FAF1: variants seen among roughly 807,000 people sequenced by gnomAD.
FAF1 encodes the protein Fas associated factor 1, also known as FAS-associated factor 1.
FAF1 carries 25 observed loss-of-function variants against 92.5 expected under a neutral mutation model. The ratio of observed to expected loss-of-function variants is 0.27; its 90% CI spans 0.20 to 0.38. The LOEUF (loss-of-function observed/expected upper bound fraction) is 0.38, where lower values mean the gene tolerates loss of function less well. Among genes scored for constraint, FAF1 ranks in the 10% least tolerant of loss-of-function variants. FAF1 has a pLI of 1.00. For synonymous variants in FAF1, 234 were observed against 273.2 expected (o/e 0.86, Z 1.42); for missense variants, 636 against 793.3 (o/e 0.80, Z 2.38).
chr1:50,813,754 A>T (rs1643939713), intron 2 of FAF1, among the ~76,000 whole-genome samples: 1 of 152,014 alleles, frequency 6.6e-6, no homozygotes, highest in South Asian at 2.1e-4. Flanking sequence ...TTTTCATTTA[A>T]CACTGTATTG....
At chr1:50,786,318 G>A (rs1286215223) in intron 4 of FAF1, among the ~76,000 whole-genome samples, 2 of 152,100 alleles carry the variant, frequency 1.3e-5, no homozygotes, top group Admixed American at 6.5e-5. Context: ...ACATATATAA[G>A]CATTGAGGAC....
At chr1:50,632,865 T>C (rs1301727669) in intron 8 of FAF1, among the ~76,000 whole-genome samples, 1 of 152,208 alleles carries the variant, frequency 6.6e-6, no homozygotes, top group Non-Finnish European at 1.5e-5. Flanking sequence ...ACCTCCTCTA[T>C]GATCTTTCCA....
At chr1:50,802,949 T>C (rs968692047) in intron 2 of FAF1, among the ~76,000 whole-genome samples, 1 of 152,192 alleles carries the variant, frequency 6.6e-6, no homozygotes, top group Non-Finnish European at 1.5e-5. Context: ...TGAATGGAAA[T>C]AAATAGAGTG....
chr1:50,885,865 T>C (rs1315972724), intron 1 of FAF1, among the ~76,000 whole-genome samples: 1 of 152,196 alleles, frequency 6.6e-6, no homozygotes, highest in Non-Finnish European at 1.5e-5. Context: ...TGTTTTTATA[T>C]TGGAGGTTAC....
chr1:50,893,677 TG>T (rs1266493452), intron 1 of FAF1, among the ~76,000 whole-genome samples: 1 of 152,158 alleles, frequency 6.6e-6, no homozygotes, highest in Admixed American at 6.5e-5. Flanking sequence ...CCAGGCTGCC[TG>T]TAACTACTAC....
Position 50,562,367 on chromosome 1 carries a change from T to C in FAF1, c.1268+4710A>G, listed in dbSNP as rs548447492. ...ATCTGGTTCAGATTATAGAGGATTA[T>C]ATTAGCTAGCCAGCTCCCTCTATTC... On this transcript the variant is annotated intron_variant, in intron 13 of 18. Transcript: ENST00000396153. Among the ~76,000 whole-genome samples the C allele has an allele frequency of 2.0e-5, 3 of 152,302 alleles. No individual in the cohort carries two copies. In the East Asian group the frequency reaches 5.8e-4, roughly 29 times the overall value.
intron 8 of FAF1, among the ~76,000 whole-genome samples, chr1:50,636,466 A>C (rs899370213): frequency 6.9e-6 from 1 of 144,614 alleles, no homozygotes; most frequent in Non-Finnish European, 1.5e-5. Flanking sequence ...GCTCACTGCA[A>C]TCTATGCCTC....
intron 18 of FAF1, among the ~76,000 whole-genome samples, chr1:50,468,209 AAACAAC>A (rs936543176): frequency 8.6e-5 from 13 of 151,956 alleles, no homozygotes; most frequent in East Asian, 5.8e-4. Context: ...ACTCTGTCTC[AAACAAC>A]AACAACAACA....
At chr1:50,890,571 T>C (rs1316537759) in intron 1 of FAF1, among the ~76,000 whole-genome samples, 2 of 152,216 alleles carry the variant, frequency 1.3e-5, no homozygotes, top group African/African-American at 2.4e-5. Context: ...TGACAAAATC[T>C]CTCAGCATTT....
chr1:50,909,255 G>A (rs974538591), intron 1 of FAF1, among the ~76,000 whole-genome samples: 1 of 152,244 alleles, frequency 6.6e-6, no homozygotes, highest in Non-Finnish European at 1.5e-5. Context: ...CTGTTAGTCT[G>A]ATGGACTTCC....
At chr1:50,877,597 G>A (rs1424971260) in intron 1 of FAF1, among the ~76,000 whole-genome samples, 2 of 152,104 alleles carry the variant, frequency 1.3e-5, no homozygotes, top group South Asian at 2.1e-4. Context: ...AATATGTGAT[G>A]TTTATAATAA....
Position 50,535,361 on chromosome 1 carries a change from A to G in FAF1, c.1494+8T>C. The G allele has an allele frequency of 6.3e-7, 1 of 1,584,122 alleles. No individual in the cohort carries two copies. The highest frequency in any genetic ancestry group is 1.1e-5 in the South Asian group (1 of 90,124). On this transcript the variant is annotated splice_region_variant and intron_variant, in intron 15 of 18. Transcript: ENST00000396153. ...TCAAAATCCTATTAAAGATCTGCATAACCTTACCTCGTCCTTTATATCTTC... is the reference window on the plus strand; with the variant it reads ...TCAAAATCCTATTAAAGATCTGCATGACCTTACCTCGTCCTTTATATCTTC...
intron 4 of FAF1, among the ~76,000 whole-genome samples, chr1:50,778,116 A>C (rs1209410982): frequency 6.6e-6 from 1 of 152,252 alleles, no homozygotes; most frequent in East Asian, 1.9e-4. Context: ...ATTAGAATGA[A>C]TGAATTATTG....
chr1:50,770,975 C>T (rs532608628), intron 4 of FAF1, among the ~76,000 whole-genome samples: 12 of 152,202 alleles, frequency 7.9e-5, no homozygotes, highest in South Asian at 2.1e-4. Flanking sequence ...ATCTGATCTT[C>T]GACAAAGTTG....
At chr1:50,779,085 A>T (rs1168280382) in intron 4 of FAF1, among the ~76,000 whole-genome samples, 1 of 152,200 alleles carries the variant, frequency 6.6e-6, no homozygotes, top group Non-Finnish European at 1.5e-5. Context: ...GCAATAGATT[A>T]CATCTCAAGA....
intron 4 of FAF1, among the ~76,000 whole-genome samples, chr1:50,761,368 A>T (rs900883764): frequency 7.2e-5 from 11 of 152,272 alleles, no homozygotes; most frequent in Middle Eastern, 3.4e-3. Flanking sequence ...TACCAAAGCC[A>T]GGCAGAGACA....
intron 8 of FAF1, among the ~76,000 whole-genome samples, chr1:50,607,421 C>T (rs1652478361): frequency 6.6e-6 from 1 of 152,122 alleles, no homozygotes; most frequent in African/African-American, 2.4e-5. Flanking sequence ...ACCCTGAAAA[C>T]TTTTTCAGTC....
chr1:50,465,673 C>G (rs1422325528), intron 18 of FAF1, among the ~76,000 whole-genome samples: 1 of 152,022 alleles, frequency 6.6e-6, no homozygotes, highest in Non-Finnish European at 1.5e-5. Context: ...TAGGGGTTGT[C>G]AGTCTGGCAG....
chr1:50,477,861 C>T (rs750080760), intron 17 of FAF1, among the ~76,000 whole-genome samples: 7 of 152,204 alleles, frequency 4.6e-5, no homozygotes, highest in Non-Finnish European at 8.8e-5. Context: ...AATAAACTAA[C>T]ATGCTAACTG....
Sources: allele counts gnomAD v4.1 joint callset (sites outside exome capture counted in the v4.1 genomes callset), GRCh38; gene constraint gnomAD v4.1.1; transcripts MANE v1.5; gene names NCBI Gene and HGNC (gene_info 2026-07-23, HGNC 2026-07-21).